Variants in SCP2 observed in about 807,000 individuals in gnomAD.
SCP2 encodes the protein SCP-2/3-oxoacyl-CoA thiolase.
In SCP2, 48 loss-of-function variants were observed where a neutral mutation model predicts 71.4. That is an observed-to-expected ratio of 0.67 (90% CI 0.53 to 0.86). SCP2 has a LOEUF of 0.86. Ranked by LOEUF, SCP2 falls within the 40% of genes least tolerant of loss-of-function variation. The probability of loss-of-function intolerance (pLI) is 0.00; values close to 1 mark genes in which losing one functional copy is unlikely to be tolerated. For synonymous variants in SCP2, 220 were observed against 218.1 expected, an observed-to-expected ratio of 1.01 and a Z score of -0.08; for missense variants, 560 against 655.6, an observed-to-expected ratio of 0.85 and a Z score of 1.59.
chr1:53,050,861 C>G lies in SCP2; in HGVS notation c.*157C>G. The stretch of plus-strand genomic sequence containing the variant: ...TGTGACCAATCCTGTTTTTCCTATG[C>G]TCTGGGTGAATAGAGCCTGATGGTA... On this transcript the variant is annotated 3_prime_UTR_variant, in exon 16 of 16. Coordinates refer to ENST00000371514, the MANE Select transcript of SCP2 (RefSeq NM_002979.5). 1 of 624,796 alleles carries G rather than the reference C, an allele frequency of 1.6e-6. No homozygotes were observed. The highest frequency in any genetic ancestry group is 2.9e-6 in the Non-Finnish European group (1 of 347,852). 38.7% of individuals were successfully genotyped at this position (624,796 alleles called of 1,614,324 possible).
intron 10 of SCP2, among the ~76,000 whole-genome samples, chr1:52,987,621 A>G (rs958872121): frequency 3.3e-4 from 50 of 152,128 alleles, no homozygotes; most frequent in Admixed American, 4.6e-4. Context: ...CTGTTTTTCC[A>G]TATTTATTAA....
chr1:53,021,889 C>T (rs1309141050), intron 12 of SCP2, among the ~76,000 whole-genome samples: 1 of 152,096 alleles, frequency 6.6e-6, no homozygotes, highest in Non-Finnish European at 1.5e-5. Context: ...ATGTGATCCA[C>T]CTGCCTTGGA....
At position 53,008,628 on chromosome 1, in the gene SCP2, C is replaced by A. The variant is rs575787685; in HGVS notation, c.1082-6262C>A. 3.6e-4 allele frequency among the ~76,000 whole-genome samples: 55 copies of A among 152,210 alleles called. No homozygotes were observed. In the South Asian group the frequency reaches 3.7e-3, roughly 10 times the overall value. ...TAAACTAGGTATTGATTGGACATAT[C>A]TCAAAATAATAAGAGCTATTTATGA... On this transcript the variant is annotated intron_variant, in intron 11 of 15. Transcript: ENST00000371514.
chr1:52,978,080 T>C, intron 8 of SCP2, 137 bp from the exon 9 acceptor site: 1 of 766,700 alleles, frequency 1.3e-6, no homozygotes, highest in South Asian at 1.5e-5. Context: ...GATTTACAAC[T>C]GTAGATATCA....
intron 11 of SCP2, among the ~76,000 whole-genome samples, chr1:53,007,849 T>C (rs1370081283): frequency 1.3e-5 from 2 of 152,140 alleles, no homozygotes; most frequent in Non-Finnish European, 2.9e-5. Flanking sequence ...AGCTGGTTTT[T>C]TGAAGCGATC....
At chr1:52,940,806 A>C (rs1654161189) in intron 1 of SCP2, among the ~76,000 whole-genome samples, 1 of 152,136 alleles carries the variant, frequency 6.6e-6, no homozygotes, top group South Asian at 2.1e-4. Context: ...GCTGGAGTGC[A>C]GTGGCACTAT....
At chr1:52,968,332 C>T (rs1331979494) in intron 6 of SCP2, among the ~76,000 whole-genome samples, 2 of 152,116 alleles carry the variant, frequency 1.3e-5, no homozygotes, top group African/African-American at 4.8e-5. Context: ...TTAAATTTTT[C>T]AAAATAACAG....
intron 4 of SCP2, among the ~76,000 whole-genome samples, chr1:52,954,299 C>T (rs1235250898): frequency 1.3e-5 from 2 of 149,640 alleles, no homozygotes; most frequent in African/African-American, 5.0e-5. Flanking sequence ...CGGTGACAGA[C>T]TGAAACTTTG....
chr1:53,036,117 A>G (rs1337808854), intron 13 of SCP2, among the ~76,000 whole-genome samples: 1 of 151,236 alleles, frequency 6.6e-6, no homozygotes, highest in African/African-American at 2.4e-5. Flanking sequence ...TAAATATGGT[A>G]TACTTTTACA....
At chr1:52,956,501 T>C (rs1379822974) in intron 5 of SCP2, among the ~76,000 whole-genome samples, 2 of 152,028 alleles carry the variant, frequency 1.3e-5, no homozygotes, top group Non-Finnish European at 2.9e-5. Flanking sequence ...AATCAATGAG[T>C]TGTTTCCCTC....
intron 13 of SCP2, among the ~76,000 whole-genome samples, chr1:53,037,402 A>C (rs935846406): frequency 6.6e-6 from 1 of 151,998 alleles, no homozygotes; most frequent in Non-Finnish European, 1.5e-5. Flanking sequence ...GTATTGTCAT[A>C]GTGATCATAG....
At chr1:52,974,696 G>A (rs1657791375) in intron 6 of SCP2, 73 bp from the exon 7 acceptor site, 5 of 803,872 alleles carry the variant, frequency 6.2e-6, no homozygotes, top group East Asian at 4.9e-5. Context: ...AGAACACTGA[G>A]TACCATTGCA....
chr1:52,976,884 C>T (rs1326858356), intron 8 of SCP2, 115 bp downstream of exon 8: 2 of 689,042 alleles, frequency 2.9e-6, no homozygotes, highest in Non-Finnish European at 5.3e-6. Context: ...CAGAACTCCT[C>T]CCAGTGCCGT....
At chr1:53,022,166 T>C (rs889236895) in intron 12 of SCP2, among the ~76,000 whole-genome samples, 1 of 152,230 alleles carries the variant, frequency 6.6e-6, no homozygotes, top group Non-Finnish European at 1.5e-5. Flanking sequence ...AACACTAACC[T>C]ACTTTCTGTC....
chr1:52,945,508 C>A (rs1654696641), intron 2 of SCP2, among the ~76,000 whole-genome samples: 1 of 152,202 alleles, frequency 6.6e-6, no homozygotes, highest in East Asian at 1.9e-4. Context: ...TCGAGACCAT[C>A]CTGGCTAACA....
intron 9 of SCP2, among the ~76,000 whole-genome samples, chr1:52,978,569 CT>C: frequency 6.6e-6 from 1 of 152,050 alleles, no homozygotes; most frequent in East Asian, 1.9e-4. Context: ...TCTTTCTTTT[CT>C]TTTCTTTCTT....
chr1:52,956,289 T>C (rs1572082431), intron 5 of SCP2, among the ~76,000 whole-genome samples: 1 of 151,980 alleles, frequency 6.6e-6, no homozygotes, highest in East Asian at 1.9e-4. Context: ...GGCGACAGAG[T>C]GAGACTCCGT....
At chr1:52,980,215 C>A (rs1658360259) in intron 9 of SCP2, among the ~76,000 whole-genome samples, 181 bp from the exon 10 acceptor site, 1 of 152,162 alleles carries the variant, frequency 6.6e-6, no homozygotes, top group Non-Finnish European at 1.5e-5. Context: ...CTCAAGCGAT[C>A]CTCCTGCCTC....
At chr1:52,959,266 G>T (rs1298074089) in intron 5 of SCP2, among the ~76,000 whole-genome samples, 38 of 151,516 alleles carry the variant, frequency 2.5e-4, no homozygotes, top group Admixed American at 2.4e-3. Flanking sequence ...TGCAGTCTTG[G>T]CTCACCGCAA....
Sources: gnomAD v4.1 joint callset for allele counts (sites outside exome capture counted in the v4.1 genomes callset) on GRCh38, gnomAD v4.1.1 for gene constraint, MANE v1.5 for transcripts, NCBI Gene and HGNC (gene_info 2026-07-23, HGNC 2026-07-21) for gene names.